Variants in EXD3 observed in about 807,000 individuals in gnomAD.
The protein encoded by EXD3 is exonuclease 3'-5' domain containing 3.
EXD3 carries 92 observed loss-of-function variants against 98.0 expected under a neutral mutation model. That is an observed-to-expected ratio of 0.94 (90% CI 0.79 to 1.12). The LOEUF (loss-of-function observed/expected upper bound fraction) is 1.12, where lower values mean the gene tolerates loss of function less well. EXD3 is among the 50% of genes most tolerant of loss of function. The probability of loss-of-function intolerance (pLI) is 0.00; values close to 1 mark genes in which losing one functional copy is unlikely to be tolerated. For missense variants in EXD3, 1,222 were observed against 1,191.6 expected, an observed-to-expected ratio of 1.03 and a Z score of -0.38; for synonymous variants, 569 against 526.0, an observed-to-expected ratio of 1.08 and a Z score of -1.12.
chr9:137,416,263 G>A (rs748682715), intron 1 of EXD3, among the ~76,000 whole-genome samples: 9 of 152,192 alleles, frequency 5.9e-5, no homozygotes, highest in Non-Finnish European at 8.8e-5. Flanking sequence ...GGCACTGCAC[G>A]TCTCAGTCCT....
At chr9:137,355,462 AAAGGAGG>A (rs1338073935) in intron 8 of EXD3, among the ~76,000 whole-genome samples, 8 of 21,916 alleles carry the variant, frequency 3.7e-4, no homozygotes, top group African/African-American at 6.8e-4. Flanking sequence ...GAGGAAGGAG[AAAGGAGG>A]AAGGAGGAAG....
chr9:137,309,751 C>A, intron 19 of EXD3, 51 bp from the exon 20 acceptor site: 1 of 1,416,966 alleles, frequency 7.1e-7, no homozygotes. Context: ...TCCGGGTGCC[C>A]CATACCCCAG....
rs199714315 is a variant in EXD3 at position 137,349,114 on chromosome 9, C to T, written c.1826G>A (p.Arg609Lys). 1.1e-3 allele frequency: 1,762 copies of T among 1,594,118 alleles called. 6 individuals are homozygous for T. The Middle Eastern group carries it at 0.017, about 15-fold the overall frequency. The change falls in exon 16 of 22, where the codon AGG becomes AAG. Residue 609 changes from arginine to lysine, a missense_variant. Physicochemically the swap from Arg to Lys is conservative, Grantham distance 26 (BLOSUM62 2). Transcript: ENST00000340951. This position sits in a 1 kb window ranked among gnomAD's most constrained non-coding sequence, Gnocchi z 7.4. ...LQKASAPAAP[R>K]QVPVAVAVSE... ...ACCCTGCGGGGCTTCACCCACCTGC[C>T]TGGGTGCGGCCGGTGCTGACGCTTT...
intron 3 of EXD3, among the ~76,000 whole-genome samples, chr9:137,380,405 C>T (rs1836182172): frequency 1.3e-5 from 1 of 77,490 alleles, no homozygotes; most frequent in Non-Finnish European, 2.7e-5. Context: ...TCCTCCCCAA[C>T]CCCCCTCCAG....
In EXD3 at chr9:137,307,719, C is replaced by T. The variant is rs902921275; in HGVS notation, c.2279-73G>A. On this transcript the variant is annotated intron_variant, in intron 20 of 21. Transcript: ENST00000340951. ...GCTTGGCAGCCAGCGGGGTCCATGA[C>T]GCAGCCATGCGGCTGAGCACAGTCA... 94 of 1,554,866 alleles carry T rather than the reference C, an allele frequency of 6.0e-5. No homozygotes were observed. The Middle Eastern group carries it at 6.7e-4, about 11-fold the overall frequency.
At chr9:137,411,212 G>A (rs557518336) in intron 1 of EXD3, among the ~76,000 whole-genome samples, 3 of 152,302 alleles carry the variant, frequency 2.0e-5, no homozygotes, top group Admixed American at 6.5e-5. Flanking sequence ...GAGCGCAGGC[G>A]TGGGAGGGGC....
chr9:137,391,263 G>A (rs1419248301), intron 2 of EXD3, among the ~76,000 whole-genome samples: 1 of 152,262 alleles, frequency 6.6e-6, no homozygotes, highest in East Asian at 1.9e-4. Context: ...CGTAGGAAAA[G>A]TGGCCTCTCC....
intron 3 of EXD3, among the ~76,000 whole-genome samples, chr9:137,382,325 G>A (rs1253019225): frequency 6.6e-6 from 1 of 151,950 alleles, no homozygotes; most frequent in Non-Finnish European, 1.5e-5. Context: ...GGAGACGCCA[G>A]GACGAATGTC....
At chr9:137,332,819 T>TG (rs1177734548) in intron 17 of EXD3, among the ~76,000 whole-genome samples, 2 of 152,202 alleles carry the variant, frequency 1.3e-5, no homozygotes, top group Non-Finnish European at 2.9e-5. Context: ...CACTCCAGCC[T>TG]GGCGACAGAC....
Position 137,309,659 on chromosome 9 carries a change from C to G in EXD3, c.2226G>C (p.Met742Ile), listed in dbSNP as rs1378930957. ...CDQYLKVSRD[M>I]MKQLMWLSSH... ...TGCTGAGCCACATGAGCTGCTTCAT[C>G]ATGTCCCTGGAGACCTTTAGGTACT... Residue 742 changes from methionine (M) to isoleucine (I), a missense_variant, in exon 20 of 22, where the codon ATG (methionine) becomes ATC (isoleucine). Physicochemically the swap from Met to Ile is conservative, Grantham distance 10. Transcript: ENST00000340951. 1.9e-6 allele frequency: 3 copies of G among 1,561,394 alleles called. No homozygotes were observed. The Admixed American group carries it at 5.7e-5, about 30-fold the overall frequency.
In EXD3 at chr9:137,333,347, A is replaced by C. The variant is rs114928322; in HGVS notation, c.1999-9204T>G. ...TTGCAGACGGCCTGGGTGAGACTTC[A>C]CCTTGTGATCCTGTGAGTCAACTCT... On this transcript the variant is annotated intron_variant, in intron 17 of 21. Transcript: ENST00000340951. Among the ~76,000 whole-genome samples the C allele has an allele frequency of 6.4e-3, 975 of 152,134 alleles. 4 individuals are homozygous for C. Among genetic ancestry groups the C allele is most frequent in the African/African-American group, 0.022 (912 of 41,476 alleles).
chr9:137,354,945 C>A (rs1834542559), intron 8 of EXD3, among the ~76,000 whole-genome samples, 172 bp from the exon 9 acceptor site: 2 of 152,198 alleles, frequency 1.3e-5, no homozygotes, highest in Non-Finnish European at 2.9e-5. Context: ...GGGGTCCACC[C>A]CACTCAGCCT....
intron 1 of EXD3, among the ~76,000 whole-genome samples, chr9:137,406,922 C>G (rs1460014173): frequency 6.6e-6 from 1 of 152,068 alleles, no homozygotes; most frequent in Non-Finnish European, 1.5e-5. Flanking sequence ...ACGGGGCAGC[C>G]CCAGCCAGGC....
At chr9:137,327,380 G>C (rs564695932) in intron 17 of EXD3, among the ~76,000 whole-genome samples, 1 of 152,092 alleles carries the variant, frequency 6.6e-6, no homozygotes, top group African/African-American at 2.4e-5. Context: ...TGATCCGCCC[G>C]CGTCGGCCTC....
intron 19 of EXD3, among the ~76,000 whole-genome samples, chr9:137,313,786 G>A (rs1831488975): frequency 6.6e-6 from 1 of 152,170 alleles, no homozygotes; most frequent in Non-Finnish European, 1.5e-5. Context: ...GCACACTCTG[G>A]AGCAACAGGA....
intron 3 of EXD3, among the ~76,000 whole-genome samples, chr9:137,378,533 G>C (rs1588386378): frequency 6.6e-6 from 1 of 152,120 alleles, no homozygotes; most frequent in Non-Finnish European, 1.5e-5. Context: ...TAAAAACAGG[G>C]GCTCACGCAG....
Position 137,343,737 on chromosome 9 carries a change from C to T in EXD3, c.1998+4334G>A, listed in dbSNP as rs188064109. On this transcript the variant is annotated intron_variant, in intron 17 of 21. Coordinates refer to ENST00000340951, the MANE Select transcript of EXD3 (RefSeq NM_017820.5). The stretch of plus-strand genomic sequence containing the variant: ...CCGAGTAGCTGGGAATACAGACGCC[C>T]GCCACCATGCCCGGCTACTTTTTTG... Among the ~76,000 whole-genome samples, 276 of 149,798 alleles carry T rather than the reference C, an allele frequency of 1.8e-3. 1 individual carries two copies. The highest frequency in any genetic ancestry group is 2.9e-3 in the Non-Finnish European group (195 of 67,542).
Position 137,349,479 on chromosome 9 carries a change from C to T in EXD3, c.1547G>A (p.Arg516Lys). ...APAVDRAREL[R>K]GLSLLVQQVL... is the part of the protein sequence containing the mutation. ...CTGCTGCACCAGGAGGCTCAGGCCC[C>T]TCAGCTCCCTGGCCCTGTCCACGGC... The change falls in exon 15 of 22, where the codon AGG becomes AAG. Residue 516 changes from arginine to lysine, a missense_variant. Coordinates refer to ENST00000340951, the MANE Select transcript of EXD3 (RefSeq NM_017820.5). This position sits in a 1 kb window ranked among gnomAD's most constrained non-coding sequence, Gnocchi z 7.4. 6.2e-6 allele frequency: 10 copies of T among 1,604,136 alleles called. No individual in the cohort carries two copies. Among genetic ancestry groups the T allele is most frequent in the Non-Finnish European group, 8.5e-6 (10 of 1,178,030 alleles).
intron 8 of EXD3, among the ~76,000 whole-genome samples, chr9:137,355,332 CG>C (rs1023692825): frequency 6.6e-6 from 1 of 151,858 alleles, no homozygotes; most frequent in Non-Finnish European, 1.5e-5. Context: ...TGGTCCTCAG[CG>C]GGGTGCCGAC....
Sources: allele counts gnomAD v4.1 joint callset (sites outside exome capture counted in the v4.1 genomes callset), GRCh38; gene constraint gnomAD v4.1.1; non-coding constraint Gnocchi (gnomAD v3.1); transcripts MANE v1.5; gene names NCBI Gene and HGNC (gene_info 2026-07-23, HGNC 2026-07-21).